BMPR1A: variants seen among roughly 807,000 people sequenced by gnomAD.
The protein encoded by BMPR1A is bone morphogenetic protein receptor type 1A, also known as bone morphogenetic protein receptor type-1A.
BMPR1A carries 7 observed loss-of-function variants against 66.0 expected under a neutral mutation model. The observed-to-expected ratio is 0.11, with a 90% CI of 0.06 to 0.20. The LOEUF (loss-of-function observed/expected upper bound fraction) is 0.20, where lower values mean the gene tolerates loss of function less well. Among genes scored for constraint, BMPR1A ranks in the 10% least tolerant of loss-of-function variants. BMPR1A has a pLI of 1.00. For synonymous variants in BMPR1A, 200 were observed against 229.7 expected, an observed-to-expected ratio of 0.87 and a Z score of 1.17; for missense variants, 408 against 669.1, an observed-to-expected ratio of 0.61 and a Z score of 4.31.
At chr10:86,767,414 C>CA (rs2132629888) in intron 1 of BMPR1A, among the ~76,000 whole-genome samples, 1 of 152,250 alleles carries the variant, frequency 6.6e-6, no homozygotes, top group East Asian at 1.9e-4. Context: ...CCTGGTGGCT[C>CA]ATGCTTGTAA....
chr10:86,800,061 C>G (rs1841790384), intron 1 of BMPR1A, among the ~76,000 whole-genome samples: 1 of 152,066 alleles, frequency 6.6e-6, no homozygotes. Context: ...AACTAGTGAC[C>G]TGTCAGTTGG....
intron 1 of BMPR1A, among the ~76,000 whole-genome samples, chr10:86,791,502 G>A (rs1270376619): frequency 1.3e-5 from 2 of 151,560 alleles, no homozygotes; most frequent in African/African-American, 4.8e-5. Flanking sequence ...GTGAGCCACC[G>A]CACCCAGCCC....
intron 1 of BMPR1A, among the ~76,000 whole-genome samples, chr10:86,837,364 C>G (rs1842368889): frequency 6.6e-6 from 1 of 152,006 alleles, no homozygotes; most frequent in Non-Finnish European, 1.5e-5. Flanking sequence ...GCCACTGCAC[C>G]TGGCCAGGCC....
chr10:86,775,332 T>C (rs145185007), intron 1 of BMPR1A, among the ~76,000 whole-genome samples: 26 of 152,316 alleles, frequency 1.7e-4, no homozygotes, highest in East Asian at 5.8e-4. Context: ...TTGGCCTGCT[T>C]GTCAGTTTCT....
chr10:86,787,257 G>C (rs1435418231), intron 1 of BMPR1A, among the ~76,000 whole-genome samples: 2 of 150,834 alleles, frequency 1.3e-5, no homozygotes, highest in African/African-American at 4.9e-5. Context: ...CAACACACCA[G>C]TAAAGAAAGG....
chr10:86,817,197 A>T (rs1365706333), intron 1 of BMPR1A, among the ~76,000 whole-genome samples: 1 of 152,176 alleles, frequency 6.6e-6, no homozygotes, highest in Non-Finnish European at 1.5e-5. Context: ...TACTCTTTTC[A>T]TCTGGTGAAG....
chr10:86,928,220 C>CCT (rs1554892142), downstream of BMPR1A: 2 of 119,268 alleles, frequency 1.7e-5, no homozygotes, highest in African/African-American at 6.7e-5. Flanking sequence ...TTTCTTTTTC[C>CCT]TTTTTTTTTT....
intron 2 of BMPR1A, 52 bp downstream of exon 2, chr10:86,839,031 A>G (rs1159871058): frequency 6.6e-6 from 1 of 152,180 alleles, no homozygotes; most frequent in Non-Finnish European, 1.5e-5. Context: ...ATTTTTTAAT[A>G]GTTGAAAATA....
At chr10:86,761,547 C>G (rs1841057994) in intron 1 of BMPR1A, among the ~76,000 whole-genome samples, 1 of 152,210 alleles carries the variant, frequency 6.6e-6, no homozygotes, top group Non-Finnish European at 1.5e-5. Flanking sequence ...GTAGGAAGGT[C>G]TTTCTGGCCT....
At chr10:86,865,882 C>T (rs1226983773) in intron 2 of BMPR1A, among the ~76,000 whole-genome samples, 1 of 152,150 alleles carries the variant, frequency 6.6e-6, no homozygotes, top group Non-Finnish European at 1.5e-5. Flanking sequence ...CTGCTGATGC[C>T]TGAGGGGAGT....
intron 2 of BMPR1A, among the ~76,000 whole-genome samples, chr10:86,859,182 A>C (rs1400026068): frequency 1.3e-5 from 2 of 152,192 alleles, no homozygotes; most frequent in Non-Finnish European, 2.9e-5. Flanking sequence ...GTCTTCAATA[A>C]ATGGTGCTGG....
At chr10:86,791,530 C>T (rs1312698855) in intron 1 of BMPR1A, among the ~76,000 whole-genome samples, 1 of 151,308 alleles carries the variant, frequency 6.6e-6, no homozygotes, top group Non-Finnish European at 1.5e-5. Flanking sequence ...TTTCTTGAAA[C>T]ACACGCACAG....
At chr10:86,814,256 T>A (rs1437941003) in intron 1 of BMPR1A, among the ~76,000 whole-genome samples, 2 of 152,164 alleles carry the variant, frequency 1.3e-5, no homozygotes, top group Non-Finnish European at 2.9e-5. Flanking sequence ...CGCCTCAGCT[T>A]CCCCAATGCT....
chr10:86,875,276 G>A (rs992171616), intron 2 of BMPR1A, among the ~76,000 whole-genome samples: 1 of 151,104 alleles, frequency 6.6e-6, no homozygotes, highest in African/African-American at 2.4e-5. Context: ...AGAAGGCTGA[G>A]GCAGGAGAAT....
Position 86,899,871 on chromosome 10 carries a change from A to C in BMPR1A, c.411A>C (p.Thr137=). 6.2e-7 allele frequency: 1 copy of C among 1,614,136 alleles called. No individual in the cohort carries two copies. The highest frequency in any genetic ancestry group is 2.2e-5 in the East Asian group (1 of 44,888). ...TNLCNQYLQP[T]LPPVVIGPFF... ...TATGTAACCAGTATTTGCAACCCAC[A>C]CTGCCCCCTGTTGTCATAGGTAGGT... Residue 137 remains threonine (T), a synonymous_variant, in exon 6 of 13, where the codon ACA becomes ACC. Coordinates refer to ENST00000372037, the MANE Select transcript of BMPR1A (RefSeq NM_004329.3).
At chr10:86,844,611 G>C (rs896374439) in intron 2 of BMPR1A, among the ~76,000 whole-genome samples, 2 of 152,004 alleles carry the variant, frequency 1.3e-5, no homozygotes, top group African/African-American at 4.8e-5. Flanking sequence ...TTAGAACTTT[G>C]CAATATTTAG....
At chr10:86,820,257 G>A (rs1220258289) in intron 1 of BMPR1A, among the ~76,000 whole-genome samples, 1 of 152,122 alleles carries the variant, frequency 6.6e-6, no homozygotes, top group East Asian at 1.9e-4. Context: ...TGCCATGGCT[G>A]GTCTCAAACT....
chr10:86,858,895 GAC>G (rs1842678647), intron 2 of BMPR1A, among the ~76,000 whole-genome samples: 2 of 152,202 alleles, frequency 1.3e-5, no homozygotes, highest in East Asian at 1.9e-4. Context: ...AAATACCAGT[GAC>G]AGTCTTCATA....
chr10:86,765,523 C>T (rs188435839), intron 1 of BMPR1A, among the ~76,000 whole-genome samples: 2 of 151,344 alleles, frequency 1.3e-5, no homozygotes, highest in Admixed American at 1.3e-4. Flanking sequence ...CCTCTCTCTC[C>T]TATGAAGCCC....
Sources: gnomAD v4.1 joint callset for allele counts (sites outside exome capture counted in the v4.1 genomes callset) on GRCh38, gnomAD v4.1.1 for gene constraint, MANE v1.5 for transcripts, NCBI Gene and HGNC (gene_info 2026-07-23, HGNC 2026-07-21) for gene names.